Variants in B4GALT6 observed in about 807,000 individuals in gnomAD.
B4GALT6 encodes UDP-Gal:beta-GlcNAc beta-1,4-galactosyltransferase 6.
In B4GALT6, 14 loss-of-function variants were observed where a neutral mutation model predicts 46.3. The ratio of observed to expected loss-of-function variants is 0.30; its 90% CI spans 0.20 to 0.47. The LOEUF (loss-of-function observed/expected upper bound fraction) is 0.47. Ranked by LOEUF, B4GALT6 falls within the 20% of genes least tolerant of loss-of-function variation. The pLI is 0.99. For missense variants in B4GALT6, 386 were observed against 480.1 expected (o/e 0.80, Z 1.83); for synonymous variants, 168 against 162.0 (o/e 1.04, Z -0.28).
the B4GALT6 span, among the ~76,000 whole-genome samples, chr18:31,704,626 T>C: frequency 6.6e-6 from 1 of 152,206 alleles, no homozygotes; most frequent in South Asian, 2.1e-4. Context: ...CTAAGAGTAA[T>C]GATGGGTTGC....
intron 1 of B4GALT6, among the ~76,000 whole-genome samples, chr18:31,682,970 G>C (rs973332873): frequency 6.6e-6 from 1 of 152,098 alleles, no homozygotes; most frequent in South Asian, 2.1e-4. Flanking sequence ...TTTTTGTGAG[G>C]TTTTTTGTTT....
chr18:31,658,089 T>C lies in B4GALT6; in HGVS notation c.233A>G (p.Asp78Gly). Residue 78 changes from aspartate to glycine, a missense_variant and splice_region_variant, in exon 3 of 9, where the codon GAT becomes GGT. Coordinates refer to ENST00000306851, the MANE Select transcript of B4GALT6 (RefSeq NM_004775.5). ...ACTTGAATTATTGCCTTCGGGATAATCTTGGAAAGAGAGAAAAGAGTTACA... is the reference window on the plus strand; with the variant it reads ...ACTTGAATTATTGCCTTCGGGATAACCTTGGAAAGAGAGAAAAGAGTTACA... ...TNKNSTLNGT[D>G]YPEGNNSSDY... is the part of the protein sequence containing the mutation. 6.3e-7 allele frequency: 1 copy of C among 1,592,264 alleles called. No individual in the cohort carries two copies. The highest frequency in any genetic ancestry group is 1.1e-5 in the South Asian group (1 of 87,844).
chr18:31,637,837 T>C (rs2073879043), intron 5 of B4GALT6, among the ~76,000 whole-genome samples: 1 of 152,228 alleles, frequency 6.6e-6, no homozygotes, highest in Non-Finnish European at 1.5e-5. Context: ...TTGGTATAAT[T>C]TAGAAAAGAA....
At chr18:31,638,378 T>C (rs1483979985) in intron 5 of B4GALT6, among the ~76,000 whole-genome samples, 1 of 151,960 alleles carries the variant, frequency 6.6e-6, no homozygotes, top group African/African-American at 2.4e-5. Context: ...ATATAAAAAA[T>C]TAGCCGGGCG....
intron 2 of B4GALT6, among the ~76,000 whole-genome samples, chr18:31,665,627 A>T (rs1420783182): frequency 1.3e-5 from 2 of 152,210 alleles, no homozygotes; most frequent in Non-Finnish European, 2.9e-5. Flanking sequence ...CTGTAATCCC[A>T]GCTACTTGGG....
chr18:31,711,955 T>C, the B4GALT6 span, among the ~76,000 whole-genome samples: 2 of 152,072 alleles, frequency 1.3e-5, no homozygotes, highest in Non-Finnish European at 2.9e-5. Context: ...CTCTCCTGCC[T>C]CTCCCCAACT....
At chr18:31,669,145 T>C (rs962635585) in intron 1 of B4GALT6, among the ~76,000 whole-genome samples, 3 of 152,236 alleles carry the variant, frequency 2.0e-5, no homozygotes, top group African/African-American at 7.2e-5. Flanking sequence ...AGTTTCTATT[T>C]ATTCTTGATA....
chr18:31,688,258 T>TATACATATATATATATATATAC (rs1555643341), upstream of B4GALT6, among the ~76,000 whole-genome samples: 6 of 148,598 alleles, frequency 4.0e-5, no homozygotes, highest in East Asian at 7.8e-4. Flanking sequence ...TATATATATA[T>TATACATATATATATATATATAC]ACATATATAT....
the B4GALT6 span, among the ~76,000 whole-genome samples, chr18:31,696,758 G>A: frequency 6.6e-6 from 1 of 152,156 alleles, no homozygotes; most frequent in East Asian, 1.9e-4. Flanking sequence ...GTTGCTTCAT[G>A]TGGGCTTATT....
rs756893651 is a variant in B4GALT6, at chr18:31,625,734, C to A, written c.1029G>T (p.Glu343Asp). Residue 343 changes from glutamate (E) to aspartate (D), a missense_variant, in exon 9 of 9, where the codon GAG becomes GAT. Glu to Asp is a conservative substitution (Grantham distance 45). This residue lies in a region of B4GALT6 where 323 missense variants were observed against 438.9 expected (regional missense o/e 0.74). Transcript: ENST00000306851. Reference sequence around the variant, plus strand: ...TGTTCAGTCCATCGATGTACTGACGCTCCTTGGAATACCTTAGTAATTTAT... The same window carrying A: ...TGTTCAGTCCATCGATGTACTGACGATCCTTGGAATACCTTAGTAATTTAT... ...GRYKLLRYSK[E>D]RQYIDGLNNL... 1.9e-6 allele frequency: 3 copies of A among 1,605,384 alleles called. No individual in the cohort carries two copies. The highest frequency in any genetic ancestry group is 2.5e-6 in the Non-Finnish European group (3 of 1,177,536).
At chr18:31,713,500 G>A in the B4GALT6 span, among the ~76,000 whole-genome samples, 1,169 of 152,274 alleles carry the variant, frequency 7.7e-3, 16 homozygotes, top group African/African-American at 0.027. Context: ...GAGAAATTGA[G>A]TTTCTGAGAG....
At chr18:31,701,999 A>C in the B4GALT6 span, among the ~76,000 whole-genome samples, 2 of 152,184 alleles carry the variant, frequency 1.3e-5, no homozygotes, top group Admixed American at 6.5e-5. Context: ...ATAATATTTT[A>C]AAAAGCACTT....
the B4GALT6 span, among the ~76,000 whole-genome samples, chr18:31,712,287 A>ATTTTTTTTTTTTTTT: frequency 1.1e-4 from 9 of 84,626 alleles, 2 homozygotes; most frequent in Non-Finnish European, 1.9e-4. Flanking sequence ...CTGGGACGTT[A>ATTTTTTTTTTTTTTT]TTTTTTTTTT....
intron 1 of B4GALT6, among the ~76,000 whole-genome samples, chr18:31,681,630 C>T (rs573643400): frequency 6.6e-6 from 1 of 152,144 alleles, no homozygotes; most frequent in African/African-American, 2.4e-5. Context: ...AAACAGATTA[C>T]GCTGCCTACA....
chr18:31,670,054 G>T (rs953983504), intron 1 of B4GALT6, among the ~76,000 whole-genome samples: 9 of 151,392 alleles, frequency 5.9e-5, no homozygotes, highest in Non-Finnish European at 8.8e-5. Flanking sequence ...TAAAAATGAT[G>T]ATCTTTTTTT....
intron 3 of B4GALT6, among the ~76,000 whole-genome samples, chr18:31,653,435 CTTTTTTTTTTT>C (rs5823819): frequency 5.4e-5 from 4 of 74,148 alleles, no homozygotes; most frequent in East Asian, 4.7e-4. Context: ...AACCTTTTTT[CTTTTTTTTTTT>C]TTTTTTTTTT....
chr18:31,654,114 A>G (rs986376529), intron 3 of B4GALT6, among the ~76,000 whole-genome samples: 2 of 152,218 alleles, frequency 1.3e-5, no homozygotes, highest in Non-Finnish European at 2.9e-5. Context: ...TCAGGGTTAA[A>G]CCATAAAGGG....
the B4GALT6 span, among the ~76,000 whole-genome samples, chr18:31,693,224 G>A: frequency 3.9e-5 from 6 of 152,232 alleles, no homozygotes; most frequent in Admixed American, 1.3e-4. Flanking sequence ...CAGAGAACAC[G>A]AGAACACAAC....
chr18:31,630,140 GGAA>G (rs1004571101), intron 6 of B4GALT6, among the ~76,000 whole-genome samples: 43 of 151,220 alleles, frequency 2.8e-4, no homozygotes, highest in South Asian at 4.2e-4. Context: ...AGGAGGAAGA[GGAA>G]GAAGAAGAAA....
Sources: gnomAD v4.1 joint callset for allele counts (sites outside exome capture counted in the v4.1 genomes callset) on GRCh38, gnomAD v4.1.1 for gene constraint, gnomAD v4.1.1 regional missense constraint, MANE v1.5 for transcripts, NCBI Gene and HGNC (gene_info 2026-07-23, HGNC 2026-07-21) for gene names.